Variants in NRIP1 observed in about 807,000 individuals in gnomAD.
NRIP1 encodes nuclear receptor interacting protein 1.
Under a neutral mutation model 75.0 loss-of-function variants are expected in NRIP1, and 28 were observed. The ratio of observed to expected loss-of-function variants is 0.37; its 90% CI spans 0.28 to 0.51. NRIP1 has a LOEUF of 0.51. Among genes scored for constraint, NRIP1 ranks in the 20% least tolerant of loss-of-function variants. The pLI is 0.92. For synonymous variants in NRIP1, 526 were observed against 487.6 expected, an observed-to-expected ratio of 1.08 and a Z score of -1.04; for missense variants, 1,435 against 1,343.7, an observed-to-expected ratio of 1.07 and a Z score of -1.06.
At chr21:15,042,130 G>A (rs564014768) in intron 2 of NRIP1, among the ~76,000 whole-genome samples, 156 of 152,064 alleles carry the variant, frequency 1.0e-3, no homozygotes, top group African/African-American at 3.6e-3. Context: ...TAAGAAAATC[G>A]GTAAAAACCA....
intron 1 of NRIP1, among the ~76,000 whole-genome samples, chr21:15,063,355 G>A (rs1978501884): frequency 2.0e-5 from 3 of 152,176 alleles, no homozygotes; most frequent in African/African-American, 7.2e-5. Flanking sequence ...GGCGGCAACC[G>A]ACACTTAGGG....
At chr21:15,002,135 G>T (rs896299599) in intron 3 of NRIP1, 1 of 152,072 alleles carries the variant, frequency 6.6e-6, no homozygotes, top group African/African-American at 2.4e-5. Context: ...GAATATTCCT[G>T]GAGTGTCACA....
chr21:15,027,376 T>C (rs983905001), intron 2 of NRIP1, among the ~76,000 whole-genome samples: 1 of 152,354 alleles, frequency 6.6e-6, no homozygotes, highest in African/African-American at 2.4e-5. Flanking sequence ...AGTGGCTATA[T>C]TGTGGCAAAT....
intron 3 of NRIP1, chr21:14,988,268 A>G (rs1285839136): frequency 6.6e-6 from 1 of 152,194 alleles, no homozygotes; most frequent in East Asian, 1.9e-4. Flanking sequence ...AAACAGTATA[A>G]TATCTCACAT....
Position 14,971,636 on chromosome 21 carries a change from TC to T in NRIP1, c.-334-3111del, listed in dbSNP as rs1162126842. ...AAAAATATCTTCTCCTCATGCTACT[TC>T]TTTTCACATTTTCACATGACTCTTA... On this transcript the variant is annotated intron_variant, in intron 3 of 3. Transcript: ENST00000318948. 34 of 152,236 alleles carry T rather than the reference TC, an allele frequency of 2.2e-4. No individual in the cohort carries two copies. In the East Asian group the frequency reaches 6.6e-3, roughly 29 times the overall value. 9.4% of individuals were successfully genotyped at this position (152,236 alleles called of 1,614,324 possible). A position where few individuals can be genotyped will look rare whatever the true frequency, so the allele number is the denominator to read the frequency against.
At chr21:15,013,922 G>T (rs902240603) in intron 3 of NRIP1, among the ~76,000 whole-genome samples, 1 of 152,100 alleles carries the variant, frequency 6.6e-6, no homozygotes, top group Non-Finnish European at 1.5e-5. Flanking sequence ...TGAAATCAGG[G>T]ATTGCTATTG....
chr21:15,041,682 TATG>T (rs1035028615), intron 2 of NRIP1, among the ~76,000 whole-genome samples: 19 of 152,262 alleles, frequency 1.2e-4, no homozygotes, highest in East Asian at 3.9e-4. Context: ...AATTTTGAGA[TATG>T]ATAACCTTTC....
intron 2 of NRIP1, among the ~76,000 whole-genome samples, chr21:15,033,931 C>T (rs1206013418): frequency 6.6e-6 from 1 of 152,184 alleles, no homozygotes; most frequent in African/African-American, 2.4e-5. Flanking sequence ...GTTTACAAAT[C>T]ATTCATCAAA....
intron 1 of NRIP1, among the ~76,000 whole-genome samples, chr21:15,049,429 A>AAC (rs998792660): frequency 6.6e-6 from 1 of 152,000 alleles, no homozygotes; most frequent in Non-Finnish European, 1.5e-5. Flanking sequence ...AGTATATCAA[A>AAC]ACACACACAC....
intron 3 of NRIP1, among the ~76,000 whole-genome samples, chr21:14,989,524 C>T (rs2087510245): frequency 6.6e-6 from 1 of 152,142 alleles, no homozygotes; most frequent in Non-Finnish European, 1.5e-5. Flanking sequence ...CTGAGCTACC[C>T]TGGGAGTGAA....
chr21:14,972,681 G>T (rs979588737), intron 3 of NRIP1, among the ~76,000 whole-genome samples: 4 of 152,138 alleles, frequency 2.6e-5, no homozygotes, highest in African/African-American at 4.8e-5. Flanking sequence ...AACCTTTTTG[G>T]CACCAGAGAC....
At position 14,968,263 on chromosome 21, in the gene NRIP1, A is replaced by T; in HGVS notation, c.-71T>A. On this transcript the variant is annotated 5_prime_UTR_variant, in exon 4 of 4. Transcript: ENST00000318948. Reference sequence around the variant, plus strand: ...AGAATGGTTTTCTGTGGTGAGTGCGATGTAACTTTAATAAAGGAGTATCAG... The same window carrying T: ...AGAATGGTTTTCTGTGGTGAGTGCGTTGTAACTTTAATAAAGGAGTATCAG... The T allele has an allele frequency of 9.9e-7, 1 of 1,013,144 alleles. No individual in the cohort carries two copies. The highest frequency in any genetic ancestry group is 1.5e-6 in the Non-Finnish European group (1 of 681,368). 62.8% of individuals were successfully genotyped at this position (1,013,144 alleles called of 1,614,324 possible).
intron 2 of NRIP1, among the ~76,000 whole-genome samples, chr21:15,019,556 T>A (rs1377505152): frequency 7.2e-6 from 1 of 138,556 alleles, no homozygotes; most frequent in African/African-American, 2.6e-5. Flanking sequence ...TGATGCAGTC[T>A]TGGCTCACTG....
chr21:15,046,491 A>T (rs974161544), intron 1 of NRIP1, among the ~76,000 whole-genome samples: 3 of 152,166 alleles, frequency 2.0e-5, no homozygotes, highest in Non-Finnish European at 4.4e-5. Context: ...TTCTTCTTCC[A>T]TTTATACAGC....
chr21:14,982,451 G>A (rs1266043472), intron 3 of NRIP1, among the ~76,000 whole-genome samples: 1 of 152,030 alleles, frequency 6.6e-6, no homozygotes, highest in Non-Finnish European at 1.5e-5. Context: ...ACAGAATCCT[G>A]TAATAAGCCC....
In NRIP1 at chr21:15,010,320, T is replaced by C. The variant is rs148583931; in HGVS notation, c.-335+4024A>G. 1.5e-4 allele frequency among the ~76,000 whole-genome samples: 23 copies of C among 152,198 alleles called. No homozygotes were observed. The East Asian group carries it at 4.4e-3, about 29-fold the overall frequency. Reference sequence around the variant, plus strand: ...GGTCTGTGTAAGAAGAGAAAGTGTATTGACAGTTTGATCAACACTTTTAAA... The same window carrying C: ...GGTCTGTGTAAGAAGAGAAAGTGTACTGACAGTTTGATCAACACTTTTAAA... On this transcript the variant is annotated intron_variant, in intron 3 of 3. Coordinates refer to ENST00000318948, the MANE Select transcript of NRIP1 (RefSeq NM_003489.4).
At chr21:14,972,183 A>G (rs2086919953) in intron 3 of NRIP1, among the ~76,000 whole-genome samples, 1 of 151,376 alleles carries the variant, frequency 6.6e-6, no homozygotes, top group African/African-American at 2.5e-5. Context: ...CCTTCTATTG[A>G]AAGCTCTTCA....
At position 14,964,618 on chromosome 21, in the gene NRIP1, A is replaced by C; in HGVS notation, c.*98T>G. 1.0e-6 allele frequency: 1 copy of C among 982,362 alleles called. No homozygotes were observed. Among genetic ancestry groups the C allele is most frequent in the Non-Finnish European group, 1.5e-6 (1 of 684,108 alleles). The allele number at this position is 982,362 out of a possible 1,614,324, so 60.9% of individuals were successfully genotyped here. A position where few individuals can be genotyped will look rare whatever the true frequency, so the allele number is the denominator to read the frequency against. On this transcript the variant is annotated 3_prime_UTR_variant, in exon 4 of 4. Transcript: ENST00000318948. ...TTTCAAAATGAAAAAAGTTTCAATT[A>C]TACCATGCTTTTTTTCAAATCATGC...
At chr21:14,996,886 A>G (rs1283756003) in intron 3 of NRIP1, among the ~76,000 whole-genome samples, 1 of 151,854 alleles carries the variant, frequency 6.6e-6, no homozygotes, top group Non-Finnish European at 1.5e-5. Context: ...AGATGCTTAC[A>G]TGATATAATT....
Sources: gnomAD v4.1 joint callset for allele counts (sites outside exome capture counted in the v4.1 genomes callset) on GRCh38, gnomAD v4.1.1 for gene constraint, MANE v1.5 for transcripts, NCBI Gene and HGNC (gene_info 2026-07-23, HGNC 2026-07-21) for gene names.